Variants in CLK2 observed in about 807,000 individuals in gnomAD.
CLK2 encodes CDC like kinase 2, also known as dual specificity protein kinase CLK2.
A neutral mutation model predicts 73.5 loss-of-function variants in CLK2; 12 were observed. The observed-to-expected ratio is 0.16, with a 90% CI of 0.10 to 0.26. CLK2 has a LOEUF of 0.26. Among genes scored for constraint, CLK2 ranks in the 10% least tolerant of loss-of-function variants. The probability of loss-of-function intolerance (pLI) is 1.00; values close to 1 mark genes in which losing one functional copy is unlikely to be tolerated. For missense variants in CLK2, 509 were observed against 688.4 expected (o/e 0.74, Z 2.92); for synonymous variants, 232 against 237.9 (o/e 0.98, Z 0.23).
In CLK2 at chr1:155,268,117, A is replaced by T. The variant is rs777784963; in HGVS notation, c.564T>A (p.Ala188=). 6.2e-7 allele frequency: 1 copy of T among 1,613,930 alleles called. No individual in the cohort carries two copies. The highest frequency in any genetic ancestry group is 8.5e-7 in the Non-Finnish European group (1 of 1,179,892). The change falls in exon 6 of 13, where the codon GCT becomes GCA. Residue 188 remains alanine, a synonymous_variant. Coordinates refer to ENST00000368361, the MANE Select transcript of CLK2 (RefSeq NM_001294338.2). This position sits in a 1 kb window ranked among gnomAD's most constrained non-coding sequence, Gnocchi z 5.6. ...VQCVDHRRGG[A]RVALKIIKNV... is the part of the protein sequence containing the mutation. ...TCTTAATGATCTTCAGGGCAACTCG[A>T]GCCCCACCCCTGTAAGTTGGCAGGA... is the stretch of plus-strand genomic sequence containing the variant.
At chr1:155,272,324 GT>G (rs1673552894) in intron 1 of CLK2, among the ~76,000 whole-genome samples, 1 of 152,114 alleles carries the variant, frequency 6.6e-6, no homozygotes, top group African/African-American at 2.4e-5. Flanking sequence ...CCAGTAAGTG[GT>G]TTTTAATTAA....
intron 2 of CLK2, 115 bp from the exon 3 acceptor site, chr1:155,269,831 C>T: frequency 1.0e-6 from 1 of 964,018 alleles, no homozygotes; most frequent in South Asian, 1.4e-5. Context: ...AAACTGTTCT[C>T]AGACACTTGT....
intron 11 of CLK2, 66 bp from the exon 12 acceptor site, chr1:155,264,106 T>A (rs1673117019): frequency 1.3e-6 from 2 of 1,552,228 alleles, no homozygotes; most frequent in Non-Finnish European, 8.9e-7. Context: ...TATTTCCCCA[T>A]CTGAAAGTAA....
At position 155,268,530 on chromosome 1, in the gene CLK2, C is replaced by G; in HGVS notation, c.488-171G>C. The G allele has an allele frequency of 2.6e-6, 2 of 779,266 alleles. No individual in the cohort carries two copies. The highest frequency in any genetic ancestry group is 2.1e-5 in the Admixed American group (1 of 46,890). 48.3% of individuals were successfully genotyped at this position (779,266 alleles called of 1,614,324 possible). ...TGCGTGATTCCCACCACCTTTAACCCAGGGGCCGTGAGAGCTGGGAGTGGA... is the reference window on the plus strand; with the variant it reads ...TGCGTGATTCCCACCACCTTTAACCGAGGGGCCGTGAGAGCTGGGAGTGGA... On this transcript the variant is annotated intron_variant, in intron 4 of 12. Transcript: ENST00000368361. This position sits in a 1 kb window ranked among gnomAD's most constrained non-coding sequence, Gnocchi z 5.6.
rs1298281808 is a variant in CLK2 at position 155,264,567 on chromosome 1, G to C, written c.1064-17C>G. On this transcript the variant is annotated splice_polypyrimidine_tract_variant and intron_variant, in intron 9 of 12. Coordinates refer to ENST00000368361, the MANE Select transcript of CLK2 (RefSeq NM_001294338.2). ...AGCCCAACTCTGGGTGAGAATGGGA[G>C]GGAAAAGGTGTTATGAGGCTTAGGT... is the stretch of plus-strand genomic sequence containing the variant. 2 of 1,614,114 alleles carry C rather than the reference G, an allele frequency of 1.2e-6. No homozygotes were observed. Among genetic ancestry groups the C allele is most frequent in the Non-Finnish European group, 1.7e-6 (2 of 1,180,036 alleles).
intron 9 of CLK2, 21 bp downstream of exon 9, chr1:155,264,624 G>C (rs1386491975): frequency 6.2e-7 from 1 of 1,614,224 alleles, no homozygotes. Context: ...CACACACTTG[G>C]ACAGCCTTGC....
chr1:155,263,944 G>A lies in CLK2; in HGVS notation c.1317+6C>T. 2 of 1,613,620 alleles carry A rather than the reference G, an allele frequency of 1.2e-6. No individual in the cohort carries two copies. The highest frequency in any genetic ancestry group is 1.1e-5 in the South Asian group (1 of 91,066). On this transcript the variant is annotated splice_donor_region_variant and intron_variant, in intron 12 of 12. Coordinates refer to ENST00000368361, the MANE Select transcript of CLK2 (RefSeq NM_001294338.2). ...GTGGGCACTATTTATCCCGAGCCCA[G>A]CTCACCCGCAGCGGTTTGCAGTTCT...
Position 155,264,403 on chromosome 1 carries a change from A to C in CLK2, c.1146+65T>G, listed in dbSNP as rs973584907. On this transcript the variant is annotated intron_variant, in intron 10 of 12. Transcript: ENST00000368361. ...TGGAGAACTGAGTAGGCAGGTCCTC[A>C]GCAGAAAACAAAGGAACCAGGTAGA... 20 of 1,603,184 alleles carry C rather than the reference A, an allele frequency of 1.2e-5. No homozygotes were observed. In the Admixed American group the frequency reaches 1.8e-4, roughly 15 times the overall value.
Position 155,268,996 on chromosome 1 carries a change from TC to T in CLK2, c.400-202del, listed in dbSNP as rs1035578908. 6 of 609,342 alleles carry T rather than the reference TC, an allele frequency of 9.8e-6. No homozygotes were observed. The highest frequency in any genetic ancestry group is 9.2e-5 in the African/African-American group (5 of 54,264). 37.7% of individuals were successfully genotyped at this position (609,342 alleles called of 1,614,324 possible). ...AGAGAGAGCGGCGCATAATCCCAAG[TC>T]CCCAAACCCAAAACAGGAACAGGGA... On this transcript the variant is annotated intron_variant, in intron 3 of 12. Transcript: ENST00000368361. The surrounding 1 kb of genome is among the most constrained non-coding windows in gnomAD (Gnocchi z 5.6).
chr1:155,271,456 C>A (rs1348411975), intron 1 of CLK2, among the ~76,000 whole-genome samples: 2 of 152,178 alleles, frequency 1.3e-5, no homozygotes, highest in Non-Finnish European at 2.9e-5. Context: ...AAACTCCTGA[C>A]CTCGTGATCC....
In CLK2 at chr1:155,269,819, GA is replaced by G; in HGVS notation, c.171-104del. On this transcript the variant is annotated intron_variant, in intron 2 of 12. Transcript: ENST00000368361. ...TTAGTGAGGACAAAGAGTAATGCTA[GA>G]AAACTGTTCTCAGACACTTGTTGAG... 3 of 1,089,082 alleles carry G rather than the reference GA, an allele frequency of 2.8e-6. No homozygotes were observed. The South Asian group carries it at 4.0e-5, about 15-fold the overall frequency. 67.5% of individuals were successfully genotyped at this position (1,089,082 alleles called of 1,614,324 possible).
intron 2 of CLK2, 97 bp downstream of exon 2, chr1:155,270,711 T>G: frequency 7.3e-7 from 1 of 1,367,126 alleles, no homozygotes; most frequent in South Asian, 1.3e-5. Context: ...AGCCAGCTAC[T>G]TAAGGCAATG....
chr1:155,266,627 C>T, intron 7 of CLK2, 102 bp downstream of exon 7: 2 of 1,261,442 alleles, frequency 1.6e-6, no homozygotes, highest in East Asian at 2.6e-5. Flanking sequence ...CTGCAGATAA[C>T]AGACAGCTGA....
chr1:155,272,263 GC>G (rs1185587485), intron 1 of CLK2, among the ~76,000 whole-genome samples: 2 of 152,152 alleles, frequency 1.3e-5, no homozygotes, highest in Non-Finnish European at 2.9e-5. Flanking sequence ...TGATCCGCCC[GC>G]CTTGGCCTCC....
At position 155,273,340 on chromosome 1, in the gene CLK2, C is replaced by T. The variant is rs1673601757; in HGVS notation, c.-140G>A. On this transcript the variant is annotated 5_prime_UTR_variant, in exon 1 of 13. Transcript: ENST00000368361. ...CCCGGGACCCTGGGACCTCCCGCCC[C>T]GTTCCCGGGCTCCGCTTCAGTCCCG... 2 of 152,202 alleles carry T rather than the reference C, an allele frequency of 1.3e-5. No homozygotes were observed. Among genetic ancestry groups the T allele is most frequent in the South Asian group, 4.1e-4 (2 of 4,856 alleles). 9.4% of individuals were successfully genotyped at this position (152,202 alleles called of 1,614,324 possible).
chr1:155,267,244 C>A (rs1329422093), intron 6 of CLK2, among the ~76,000 whole-genome samples: 1 of 152,092 alleles, frequency 6.6e-6, no homozygotes, highest in African/African-American at 2.4e-5. Flanking sequence ...AGTTGTCCAC[C>A]ACCATGCCCG....
In CLK2 at chr1:155,268,306, C is replaced by T. The variant is rs1462026099; in HGVS notation, c.541G>A (p.Val181Ile). The T allele has an allele frequency of 6.2e-7, 1 of 1,614,168 alleles. No homozygotes were observed. Among genetic ancestry groups the T allele is most frequent in the South Asian group, 1.1e-5 (1 of 91,088 alleles). The change falls in exon 5 of 13, where the codon GTT becomes ATT. Residue 181 changes from valine to isoleucine, a missense_variant. Val to Ile is a conservative substitution (Grantham distance 29, BLOSUM62 3). Coordinates refer to ENST00000368361, the MANE Select transcript of CLK2 (RefSeq NM_001294338.2). This position sits in a 1 kb window ranked among gnomAD's most constrained non-coding sequence, Gnocchi z 5.6. ...ACTGACAGTTACCTGCGATGGTCAACACATTGTACAACTCGGCCGAAGGTC... is the reference window on the plus strand; with the variant it reads ...ACTGACAGTTACCTGCGATGGTCAATACATTGTACAACTCGGCCGAAGGTC... ...EGTFGRVVQCVDHRRGGARVA... is the reference protein window; with the variant it reads ...EGTFGRVVQCIDHRRGGARVA...
Position 155,264,221 on chromosome 1 carries a change from C to T in CLK2, c.1226G>A (p.Arg409Lys). The change falls in exon 11 of 13, where the codon AGA (arginine) becomes AAA (lysine). Residue 409 changes from arginine (R) to lysine (K), a missense_variant and splice_region_variant. By Grantham distance (26) the Arg-to-Lys change is conservative. Coordinates refer to ENST00000368361, the MANE Select transcript of CLK2 (RefSeq NM_001294338.2). ...PIPSRMIRKT[R>K]KQKYFYRGRL... ...TAACTAGTGCCCCCTCAAGGTTCAC[C>T]TTGTCTTTCGGATCATCCGGGAAGG... 6.2e-7 allele frequency: 1 copy of T among 1,614,146 alleles called. No individual in the cohort carries two copies. Among genetic ancestry groups the T allele is most frequent in the Non-Finnish European group, 8.5e-7 (1 of 1,179,996 alleles).
Position 155,263,528 on chromosome 1 carries a change from C to T in CLK2, c.1318-128G>A, listed in dbSNP as rs1343851921. 1.2e-5 allele frequency: 17 copies of T among 1,460,326 alleles called. No homozygotes were observed. The Admixed American group carries it at 1.3e-4, about 11-fold the overall frequency. The allele number at this position is 1,460,326 out of a possible 1,614,324, so 90.5% of individuals were successfully genotyped here. A position where few individuals can be genotyped will look rare whatever the true frequency, so the allele number is the denominator to read the frequency against. On this transcript the variant is annotated intron_variant, in intron 12 of 12. Coordinates refer to ENST00000368361, the MANE Select transcript of CLK2 (RefSeq NM_001294338.2). Reference sequence around the variant, plus strand: ...AACCAATTTGAAGGCTACCTAACCACGACCACACCAGGACCAACGTTTCTG... The same window carrying T: ...AACCAATTTGAAGGCTACCTAACCATGACCACACCAGGACCAACGTTTCTG...
Sources: gnomAD v4.1 joint callset for allele counts (sites outside exome capture counted in the v4.1 genomes callset) on GRCh38, gnomAD v4.1.1 for gene constraint, Gnocchi (gnomAD v3.1) non-coding constraint, MANE v1.5 for transcripts, NCBI Gene and HGNC (gene_info 2026-07-23, HGNC 2026-07-21) for gene names.